SELENOI: variants seen among roughly 807,000 people sequenced by gnomAD.
SELENOI encodes the protein selenoprotein I.
Under a neutral mutation model 50.7 loss-of-function variants are expected in SELENOI, and 24 were observed. The ratio of observed to expected loss-of-function variants is 0.47; its 90% CI spans 0.34 to 0.67. The LOEUF is 0.67. Among genes scored for constraint, SELENOI ranks in the 30% least tolerant of loss-of-function variants. SELENOI has a pLI of 0.01. For synonymous variants in SELENOI, 155 were observed against 170.2 expected (o/e 0.91, Z 0.70); for missense variants, 352 against 461.4 (o/e 0.76, Z 2.17).
intron 1 of SELENOI, among the ~76,000 whole-genome samples, chr2:26,357,470 AAAC>A (rs1473674980): frequency 1.4e-4 from 22 of 152,206 alleles, no homozygotes; most frequent in Non-Finnish European, 2.6e-4. Flanking sequence ...GAGTGGCTTT[AAAC>A]AACAGAATTT....
At chr2:26,350,398 G>A (rs940197422) in intron 1 of SELENOI, among the ~76,000 whole-genome samples, 2 of 151,848 alleles carry the variant, frequency 1.3e-5, no homozygotes, top group East Asian at 3.9e-4. Context: ...TTGCTTTGTC[G>A]CCCAGGCTGG....
chr2:26,373,170 T>C (rs1292941515), intron 4 of SELENOI, among the ~76,000 whole-genome samples, 197 bp from the exon 5 acceptor site: 1 of 152,230 alleles, frequency 6.6e-6, no homozygotes, highest in East Asian at 1.9e-4. Context: ...ATTACAGGTG[T>C]GAGACACTGT....
chr2:26,367,142 T>C lies in SELENOI; in HGVS notation c.236-4T>C. 1 of 1,607,232 alleles carries C rather than the reference T, an allele frequency of 6.2e-7. No homozygotes were observed. The highest frequency in any genetic ancestry group is 1.7e-4 in the Middle Eastern group (1 of 6,058). Reference sequence around the variant, plus strand: ...ATTAAAATCTTAGTTGCTTTCCTTTTCAGCACCAGGTCACAAGCACGTGCC... The same window carrying C: ...ATTAAAATCTTAGTTGCTTTCCTTTCCAGCACCAGGTCACAAGCACGTGCC... On this transcript the variant is annotated splice_region_variant and splice_polypyrimidine_tract_variant and intron_variant, in intron 3 of 9. Transcript: ENST00000260585.
At chr2:26,355,833 C>T (rs1239357689) in intron 1 of SELENOI, among the ~76,000 whole-genome samples, 1 of 151,958 alleles carries the variant, frequency 6.6e-6, no homozygotes, top group Non-Finnish European at 1.5e-5. Flanking sequence ...CTCAACCTCC[C>T]CAGGCTCAGG....
At chr2:26,387,423 G>A (rs993539601) in intron 9 of SELENOI, among the ~76,000 whole-genome samples, 2 of 152,082 alleles carry the variant, frequency 1.3e-5, no homozygotes, top group African/African-American at 4.8e-5. Flanking sequence ...GGGTGTGGTG[G>A]CTCATGCCTG....
intron 1 of SELENOI, among the ~76,000 whole-genome samples, chr2:26,361,756 C>T (rs1322736215): frequency 2.6e-5 from 4 of 151,866 alleles, no homozygotes; most frequent in Non-Finnish European, 5.9e-5. Context: ...TTGGTTCAAA[C>T]GATTCTCCTG....
chr2:26,356,771 C>T (rs538992343), intron 1 of SELENOI, among the ~76,000 whole-genome samples: 4 of 152,274 alleles, frequency 2.6e-5, no homozygotes, highest in Admixed American at 2.6e-4. Context: ...AAATCCAACT[C>T]CCTGTGGTCC....
chr2:26,365,185 A>T (rs1199462443), intron 3 of SELENOI, among the ~76,000 whole-genome samples: 1 of 152,250 alleles, frequency 6.6e-6, no homozygotes, highest in Non-Finnish European at 1.5e-5. Context: ...AATGAATACA[A>T]ACAGGGCTCA....
chr2:26,365,026 C>T, intron 3 of SELENOI, 86 bp downstream of exon 3: 1 of 994,280 alleles, frequency 1.0e-6, no homozygotes, highest in Non-Finnish European at 1.4e-6. Context: ...TTAAAATGTT[C>T]ATATTTCTAA....
intron 1 of SELENOI, among the ~76,000 whole-genome samples, chr2:26,349,796 T>C (rs1318786771): frequency 1.3e-5 from 2 of 150,016 alleles, no homozygotes; most frequent in African/African-American, 4.9e-5. Flanking sequence ...CTGTGAAATA[T>C]CTTGTTTGGT....
At chr2:26,377,136 C>T (rs1356491908) in intron 6 of SELENOI, among the ~76,000 whole-genome samples, 1 of 152,124 alleles carries the variant, frequency 6.6e-6, no homozygotes, top group Non-Finnish European at 1.5e-5. Context: ...TTTCTGGGAC[C>T]CCACTTACAT....
chr2:26,369,298 C>T (rs1677357850), intron 4 of SELENOI, among the ~76,000 whole-genome samples: 1 of 152,192 alleles, frequency 6.6e-6, no homozygotes, highest in African/African-American at 2.4e-5. Context: ...GTTCTGAGTT[C>T]CTAATAAGTA....
In SELENOI at chr2:26,389,135, A is replaced by G. The variant is rs750573675; in HGVS notation, c.*32A>G. On this transcript the variant is annotated 3_prime_UTR_variant, in exon 10 of 10. Transcript: ENST00000260585. ...TTCTTTGGGCACAAAGAAGTACTGT[A>G]AATAAATGCTTGTAAATATTTCCTC... 50 of 1,455,300 alleles carry G rather than the reference A, an allele frequency of 3.4e-5. No homozygotes were observed. The East Asian group carries it at 6.2e-4, about 18-fold the overall frequency. The allele number at this position is 1,455,300 out of a possible 1,614,324, so 90.1% of individuals were successfully genotyped here.
chr2:26,377,079 G>A (rs1677583159), intron 6 of SELENOI, among the ~76,000 whole-genome samples: 1 of 152,170 alleles, frequency 6.6e-6, no homozygotes, highest in Non-Finnish European at 1.5e-5. Context: ...GAAGTTTTCA[G>A]TCACAGTTTC....
rs73920269 is a variant in SELENOI at position 26,388,267 on chromosome 2, A to G, written c.1096-738A>G. Among the ~76,000 whole-genome samples the G allele has an allele frequency of 6.1e-3, 922 of 152,346 alleles. 11 individuals carry two copies. Among genetic ancestry groups the G allele is most frequent in the African/African-American group, 0.021 (862 of 41,570 alleles). The stretch of plus-strand genomic sequence containing the variant: ...TCATTTACTATAGCCTTTTAGAAGC[A>G]TATCTTTAGAAAGCTACATACATAC... On this transcript the variant is annotated intron_variant, in intron 9 of 9. Coordinates refer to ENST00000260585, the MANE Select transcript of SELENOI (RefSeq NM_033505.4).
At chr2:26,371,044 A>C (rs1242181490) in intron 4 of SELENOI, among the ~76,000 whole-genome samples, 5 of 113,958 alleles carry the variant, frequency 4.4e-5, no homozygotes, top group South Asian at 3.1e-4. Context: ...ACTTCCCAGT[A>C]GGGGCGGCCG....
intron 1 of SELENOI, among the ~76,000 whole-genome samples, chr2:26,363,731 T>C (rs1349082742): frequency 6.6e-6 from 1 of 152,172 alleles, no homozygotes; most frequent in Non-Finnish European, 1.5e-5. Flanking sequence ...TAGGACATCA[T>C]AAAAATAGGT....
rs577402395 is a variant in SELENOI, at chr2:26,364,036, C to G, written c.58-266C>G. On this transcript the variant is annotated intron_variant, in intron 1 of 9. Coordinates refer to ENST00000260585, the MANE Select transcript of SELENOI (RefSeq NM_033505.4). ...AGGATTATAGGTGTGAGCCACCATG[C>G]CTGGCCTGTAGTATTTTTGTACTAT... 2.0e-4 allele frequency among the ~76,000 whole-genome samples: 30 copies of G among 151,600 alleles called. No homozygotes were observed. In the East Asian group the frequency reaches 4.3e-3, roughly 21 times the overall value.
chr2:26,388,191 A>G (rs754995370), intron 9 of SELENOI, among the ~76,000 whole-genome samples: 1 of 152,254 alleles, frequency 6.6e-6, no homozygotes, highest in African/African-American at 2.4e-5. Flanking sequence ...TATTTCATCA[A>G]TATATGCATG....
Sources: allele counts gnomAD v4.1 joint callset (sites outside exome capture counted in the v4.1 genomes callset), GRCh38; gene constraint gnomAD v4.1.1; transcripts MANE v1.5; gene names NCBI Gene and HGNC (gene_info 2026-07-23, HGNC 2026-07-21).